Variants in RBFOX1 observed in about 807,000 individuals in gnomAD.
RBFOX1 encodes the protein RNA binding fox-1 homolog 1, also known as RNA binding protein fox-1 homolog 1.
A neutral mutation model predicts 57.7 loss-of-function variants in RBFOX1; 8 were observed. That is an observed-to-expected ratio of 0.14 (90% CI 0.08 to 0.25). The LOEUF is 0.25. Among genes scored for constraint, RBFOX1 ranks in the 10% least tolerant of loss-of-function variants. RBFOX1 has a pLI of 1.00. For synonymous variants in RBFOX1, 326 were observed against 222.4 expected (o/e 1.47, Z -4.15); for missense variants, 611 against 548.5 (o/e 1.11, Z -1.14).
chr16:7,162,567 T>TA (rs1176692946), intron 4 of RBFOX1, among the ~76,000 whole-genome samples: 28,704 of 107,480 alleles, frequency 0.27, 3,883 homozygotes, highest in East Asian at 0.44. Flanking sequence ...CTGTCTCTAC[T>TA]AAAAAAAAAA....
At chr16:5,571,377 C>T (rs576828014) in intron 2 of RBFOX1, among the ~76,000 whole-genome samples, 35 of 151,904 alleles carry the variant, frequency 2.3e-4, no homozygotes, top group Non-Finnish European at 2.9e-4. Flanking sequence ...CACACCACCA[C>T]GCCCAGCTGT....
intron 4 of RBFOX1, among the ~76,000 whole-genome samples, chr16:7,332,467 G>A (rs1483484977): frequency 2.0e-5 from 3 of 152,146 alleles, no homozygotes; most frequent in Admixed American, 6.5e-5. Flanking sequence ...TTTTCTATCA[G>A]TGCCAAACGT....
intron 1 of RBFOX1, among the ~76,000 whole-genome samples, chr16:6,094,348 C>A (rs550574622): frequency 1.3e-5 from 2 of 152,078 alleles, no homozygotes; most frequent in Non-Finnish European, 2.9e-5. Context: ...CTTTTGAACC[C>A]CAGGTGGCAC....
intron 4 of RBFOX1, among the ~76,000 whole-genome samples, chr16:5,911,550 C>T (rs1311815562): frequency 6.6e-6 from 1 of 152,138 alleles, no homozygotes. Context: ...ACGCCTTGTT[C>T]GTGCACCATG....
At position 6,910,209 on chromosome 16, in the gene RBFOX1, C is replaced by T. The variant is rs2071198587; in HGVS notation, c.-15-141848C>T. ...AAGCAGAAAATGGGAAAAGAGAAATCCTAAGAGGAGTCTCATGAGATGATT... is the reference window on the plus strand; with the variant it reads ...AAGCAGAAAATGGGAAAAGAGAAATTCTAAGAGGAGTCTCATGAGATGATT... On this transcript the variant is annotated intron_variant, in intron 3 of 15. Coordinates refer to ENST00000550418, the MANE Select transcript of RBFOX1 (RefSeq NM_018723.4). 2.0e-5 allele frequency among the ~76,000 whole-genome samples: 3 copies of T among 152,060 alleles called. 1 individual carries two copies. Among genetic ancestry groups the T allele is most frequent in the South Asian group, 4.2e-4 (2 of 4,814 alleles).
At chr16:7,056,904 C>T (rs2052487793) in intron 4 of RBFOX1, among the ~76,000 whole-genome samples, 1 of 151,950 alleles carries the variant, frequency 6.6e-6, no homozygotes, top group Middle Eastern at 3.2e-3. Context: ...CTGGTATGGA[C>T]TTAGGTTCAG....
intron 5 of RBFOX1, among the ~76,000 whole-genome samples, chr16:7,569,930 T>C (rs536725709): frequency 2.4e-4 from 36 of 150,500 alleles, no homozygotes; most frequent in Non-Finnish European, 4.6e-4. Context: ...TAAGTACTGA[T>C]ACTTGATTGT....
intron 3 of RBFOX1, among the ~76,000 whole-genome samples, chr16:5,825,435 G>T (rs1465957040): frequency 6.6e-6 from 1 of 152,144 alleles, no homozygotes; most frequent in Admixed American, 6.6e-5. Context: ...CCTACTATAA[G>T]GTTCGAAGGA....
intron 4 of RBFOX1, among the ~76,000 whole-genome samples, chr16:7,098,086 C>G (rs1057090319): frequency 1.3e-5 from 2 of 152,168 alleles, no homozygotes; most frequent in African/African-American, 4.8e-5. Flanking sequence ...GCTAATCAAA[C>G]AGGCAAGTGG....
At chr16:6,063,158 A>C (rs1303309987) in intron 1 of RBFOX1, among the ~76,000 whole-genome samples, 1 of 152,114 alleles carries the variant, frequency 6.6e-6, no homozygotes, top group East Asian at 1.9e-4. Flanking sequence ...ACATACGCTG[A>C]CCATCCCAGC....
intron 2 of RBFOX1, among the ~76,000 whole-genome samples, chr16:6,593,043 T>C (rs1260362646): frequency 6.6e-6 from 1 of 152,116 alleles, no homozygotes; most frequent in African/African-American, 2.4e-5. Context: ...AATACAAAAG[T>C]TAGCTGGGTG....
At chr16:7,066,586 C>T (rs995867091) in intron 4 of RBFOX1, among the ~76,000 whole-genome samples, 1 of 152,166 alleles carries the variant, frequency 6.6e-6, no homozygotes, top group African/African-American at 2.4e-5. Context: ...CATCTACCTT[C>T]TTGACCCTGA....
intron 2 of RBFOX1, among the ~76,000 whole-genome samples, chr16:6,474,295 C>T (rs981534388): frequency 6.6e-6 from 1 of 152,146 alleles, no homozygotes; most frequent in Non-Finnish European, 1.5e-5. Context: ...GCGGACGTGA[C>T]ATCTGTTTTC....
At chr16:5,693,057 A>G (rs920651707) in intron 3 of RBFOX1, among the ~76,000 whole-genome samples, 1 of 152,186 alleles carries the variant, frequency 6.6e-6, no homozygotes, top group African/African-American at 2.4e-5. Flanking sequence ...GGAAGTTTGT[A>G]TCTTCCCGAG....
intron 3 of RBFOX1, among the ~76,000 whole-genome samples, chr16:5,692,269 G>A (rs1596782596): frequency 6.6e-6 from 1 of 151,632 alleles, no homozygotes; most frequent in East Asian, 1.9e-4. Context: ...CTTTAAAGAA[G>A]CAAGATGCCA....
chr16:6,849,672 A>T (rs1261784202), intron 3 of RBFOX1, among the ~76,000 whole-genome samples: 1 of 151,964 alleles, frequency 6.6e-6, no homozygotes, highest in African/African-American at 2.4e-5. Flanking sequence ...CCATCTCAAA[A>T]AAACAAAACA....
intron 3 of RBFOX1, among the ~76,000 whole-genome samples, chr16:6,882,768 C>T (rs1387321476): frequency 6.6e-6 from 1 of 151,974 alleles, no homozygotes; most frequent in East Asian, 1.9e-4. Context: ...AAGCCAGAAA[C>T]GCAAGACCAG....
At chr16:6,222,609 G>T (rs867896775) in intron 1 of RBFOX1, among the ~76,000 whole-genome samples, 1 of 88,508 alleles carries the variant, frequency 1.1e-5, no homozygotes, top group South Asian at 5.9e-4. Context: ...GCCCTGGATT[G>T]CTGGGCCCCT....
At chr16:5,316,512 C>T (rs903604200) in intron 1 of RBFOX1, among the ~76,000 whole-genome samples, 24 of 152,208 alleles carry the variant, frequency 1.6e-4, no homozygotes, top group African/African-American at 2.4e-4. Flanking sequence ...CAACGATAAA[C>T]GTGCTTGATT....
Sources: gnomAD v4.1 joint callset for allele counts (sites outside exome capture counted in the v4.1 genomes callset) on GRCh38, gnomAD v4.1.1 for gene constraint, MANE v1.5 for transcripts, NCBI Gene and HGNC (gene_info 2026-07-23, HGNC 2026-07-21) for gene names.